The following PPP2R2B variants were observed in gnomAD, a reference collection of about 807,000 sequenced individuals.
PPP2R2B encodes the protein protein phosphatase 2 regulatory subunit Bbeta.
Under a neutral mutation model 46.0 loss-of-function variants are expected in PPP2R2B, and 5 were observed. The observed-to-expected ratio is 0.11, with a 90% CI of 0.06 to 0.23. The LOEUF is 0.23. PPP2R2B is among the 10% of genes least tolerant of loss of function. PPP2R2B has a pLI of 1.00. For synonymous variants in PPP2R2B, 215 were observed against 206.7 expected (o/e 1.04, Z -0.34); for missense variants, 367 against 575.0 (o/e 0.64, Z 3.70).
chr5:146,899,661 C>CA (rs1355939125), intron 1 of PPP2R2B, among the ~76,000 whole-genome samples: 1 of 151,788 alleles, frequency 6.6e-6, no homozygotes. Flanking sequence ...AAGATAAAGC[C>CA]AAAATATCAG....
intron 5 of PPP2R2B, among the ~76,000 whole-genome samples, chr5:146,673,675 C>A (rs1777518706): frequency 6.6e-6 from 1 of 152,136 alleles, no homozygotes; most frequent in South Asian, 2.1e-4. Flanking sequence ...ACAACTGTAC[C>A]TGCCATCAGC....
intron 2 of PPP2R2B, among the ~76,000 whole-genome samples, chr5:146,765,428 C>T (rs928336262): frequency 6.6e-6 from 1 of 152,148 alleles, no homozygotes; most frequent in African/African-American, 2.4e-5. Context: ...TCCTCTGAGC[C>T]TCAAAGTTAA....
chr5:146,718,784 A>G (rs974545892), intron 2 of PPP2R2B, among the ~76,000 whole-genome samples: 1 of 152,192 alleles, frequency 6.6e-6, no homozygotes, highest in African/African-American at 2.4e-5. Context: ...TTTCAGTCAC[A>G]TACGCAGTTT....
intron 2 of PPP2R2B, among the ~76,000 whole-genome samples, chr5:146,818,356 A>C (rs1305102415): frequency 7.3e-5 from 6 of 82,468 alleles, no homozygotes; most frequent in Admixed American, 2.6e-4. Context: ...AATTCACTGC[A>C]AAAAAAAAAA....
chr5:146,826,357 C>G (rs1758576767), intron 2 of PPP2R2B, among the ~76,000 whole-genome samples: 1 of 152,144 alleles, frequency 6.6e-6, no homozygotes, highest in Non-Finnish European at 1.5e-5. Flanking sequence ...CTGGCCAAAA[C>G]TTCTTGGATC....
At chr5:146,593,183 T>A (rs116519070) in intron 8 of PPP2R2B, 121 bp from the exon 9 acceptor site, 1 of 892,492 alleles carries the variant, frequency 1.1e-6, no homozygotes, top group African/African-American at 1.6e-5. Flanking sequence ...TTGAATCAGA[T>A]GGCCTTGGAT....
At chr5:146,769,359 G>A (rs972762872) in intron 2 of PPP2R2B, among the ~76,000 whole-genome samples, 1 of 152,172 alleles carries the variant, frequency 6.6e-6, no homozygotes, top group Non-Finnish European at 1.5e-5. Flanking sequence ...AAATCCATGT[G>A]TATTAGCGAG....
At chr5:146,681,460 G>A (rs1397132393) in intron 5 of PPP2R2B, among the ~76,000 whole-genome samples, 1 of 152,182 alleles carries the variant, frequency 6.6e-6, no homozygotes, top group African/African-American at 2.4e-5. Flanking sequence ...GCAACAGTGA[G>A]CTCACACTTC....
chr5:146,636,322 G>A (rs411770), intron 7 of PPP2R2B, among the ~76,000 whole-genome samples: 31,415 of 152,062 alleles, frequency 0.21, 4,711 homozygotes, highest in African/African-American at 0.42. Context: ...TACATCTTTT[G>A]GAAACACCAG....
In PPP2R2B at chr5:146,980,221, T is replaced by C. The variant is rs910631900; in HGVS notation, c.79+75444A>G. Among the ~76,000 whole-genome samples, 4 of 152,136 alleles carry C rather than the reference T, an allele frequency of 2.6e-5. No homozygotes were observed. The South Asian group carries it at 8.3e-4, about 32-fold the overall frequency. ...TGTATCTATGTTTCAGAGTAGACTT[T>C]CCACATCTCCCAACTAGATGTTGGG... On this transcript the variant is annotated intron_variant, in intron 1 of 8. Coordinates refer to the PPP2R2B transcript ENST00000336640.
chr5:146,628,506 C>A (rs1774211422), intron 7 of PPP2R2B, among the ~76,000 whole-genome samples: 1 of 152,194 alleles, frequency 6.6e-6, no homozygotes, highest in East Asian at 1.9e-4. Context: ...TGAGGTGAAC[C>A]CTGGCTCCTC....
intron 4 of PPP2R2B, among the ~76,000 whole-genome samples, chr5:146,693,605 A>G (rs1270180180): frequency 6.6e-6 from 1 of 152,246 alleles, no homozygotes; most frequent in African/African-American, 2.4e-5. Flanking sequence ...ATTTCAGATA[A>G]GCAAAAAATA....
chr5:146,630,501 A>C (rs1256152097), intron 7 of PPP2R2B, among the ~76,000 whole-genome samples: 1 of 152,112 alleles, frequency 6.6e-6, no homozygotes, highest in Non-Finnish European at 1.5e-5. Flanking sequence ...CTCAAACCTC[A>C]ACTTCATCAC....
chr5:146,915,709 A>G (rs889437792), intron 1 of PPP2R2B, among the ~76,000 whole-genome samples: 2 of 152,086 alleles, frequency 1.3e-5, no homozygotes, highest in African/African-American at 4.8e-5. Context: ...TTACCATTCT[A>G]TTTGGTTTAT....
At chr5:146,770,857 G>T (rs1325813140) in intron 2 of PPP2R2B, among the ~76,000 whole-genome samples, 1 of 152,096 alleles carries the variant, frequency 6.6e-6, no homozygotes, top group African/African-American at 2.4e-5. Context: ...TTGCAGAGGG[G>T]ATTTGCAGCT....
At chr5:146,706,327 G>A (rs1304541122) in intron 2 of PPP2R2B, 2 of 566,806 alleles carry the variant, frequency 3.5e-6, no homozygotes, top group Non-Finnish European at 6.5e-6. Flanking sequence ...CAGAGCGAGA[G>A]CTGGAGCTCA....
At chr5:146,893,372 G>A (rs1762547673) in intron 1 of PPP2R2B, among the ~76,000 whole-genome samples, 1 of 152,166 alleles carries the variant, frequency 6.6e-6, no homozygotes, top group African/African-American at 2.4e-5. Context: ...CATGGATTAA[G>A]AAACCCACTT....
intron 1 of PPP2R2B, among the ~76,000 whole-genome samples, chr5:146,954,459 A>G (rs1751780027): frequency 1.3e-5 from 2 of 152,166 alleles, no homozygotes; most frequent in Admixed American, 6.6e-5. Context: ...GAGCTAAGCT[A>G]TGAGGATGCA....
At chr5:146,966,772 A>G (rs976130715) in intron 1 of PPP2R2B, among the ~76,000 whole-genome samples, 1 of 152,122 alleles carries the variant, frequency 6.6e-6, no homozygotes, top group Admixed American at 6.5e-5. Context: ...GACAATGCCA[A>G]TAATCACTGC....
Sources: gnomAD v4.1 joint callset for allele counts (sites outside exome capture counted in the v4.1 genomes callset) on GRCh38, gnomAD v4.1.1 for gene constraint, MANE v1.5 for transcripts, NCBI Gene and HGNC (gene_info 2026-07-23, HGNC 2026-07-21) for gene names.